The following GALNT9 variants were observed in gnomAD, a reference collection of about 807,000 sequenced individuals.
The protein encoded by GALNT9 is polypeptide N-acetylgalactosaminyltransferase 9, also known as GalNAc transferase 9.
In GALNT9, 47 loss-of-function variants were observed where a neutral mutation model predicts 63.1. That is an observed-to-expected ratio of 0.75 (90% CI 0.59 to 0.95). The LOEUF is 0.95. GALNT9 is among the 40% of genes least tolerant of loss of function. The pLI is 0.00. For synonymous variants in GALNT9, 396 were observed against 365.7 expected, an observed-to-expected ratio of 1.08 and a Z score of -0.94; for missense variants, 829 against 874.8, an observed-to-expected ratio of 0.95 and a Z score of 0.66.
intron 6 of GALNT9, among the ~76,000 whole-genome samples, chr12:132,228,863 G>A (rs1370648348): frequency 6.6e-6 from 1 of 152,134 alleles, no homozygotes; most frequent in Non-Finnish European, 1.5e-5. Context: ...CCTCTAACTG[G>A]CTCTAGGACT....
In GALNT9 at chr12:132,200,903, C is replaced by CA. The variant is rs148636642; in HGVS notation, c.1401+220dup. ...AGGTGCGTGTGTTTATGTGAACCTG[C>CA]ACCTTGTGTGTGCACGTGGATGTGC... On this transcript the variant is annotated intron_variant, in intron 8 of 10. Coordinates refer to ENST00000328957, the MANE Select transcript of GALNT9 (RefSeq NM_001122636.2). 1.1e-3 allele frequency: 597 copies of CA among 560,138 alleles called. 5 individuals carry two copies. Among genetic ancestry groups the CA allele is most frequent in the African/African-American group, 1.0e-2 (527 of 52,762 alleles). 34.7% of individuals were successfully genotyped at this position (560,138 alleles called of 1,614,324 possible).
intron 6 of GALNT9, among the ~76,000 whole-genome samples, chr12:132,219,045 G>A (rs984717986): frequency 3.3e-5 from 5 of 152,042 alleles, no homozygotes; most frequent in Non-Finnish European, 5.9e-5. Context: ...GGGTGCTGCC[G>A]ATGGAGCCGT....
Position 132,268,873 on chromosome 12 carries a change from C to T in GALNT9, c.420-6248G>A, listed in dbSNP as rs912934974. On this transcript the variant is annotated intron_variant, in intron 2 of 10. Transcript: ENST00000328957. ...GAAAGGCTGACGTGCAGCCGACGTA[C>T]AAAAGCGGCGCCGGTGAGGGTCGCG... Among the ~76,000 whole-genome samples the T allele has an allele frequency of 2.6e-5, 4 of 152,340 alleles. No homozygotes were observed. In the East Asian group the frequency reaches 7.7e-4, roughly 30 times the overall value.
At position 132,201,235 on chromosome 12, in the gene GALNT9, C is replaced by T; in HGVS notation, c.1290G>A (p.Val430=). ...MSNPGVDFGD[V]SERLALRQRL... Reference sequence around the variant, plus strand: ...TCTGACGCAGGGCCAGCCTCTCAGACACGTCCCCGAAGTCCACCCCTGGGT... The same window carrying T: ...TCTGACGCAGGGCCAGCCTCTCAGATACGTCCCCGAAGTCCACCCCTGGGT... The change falls in exon 8 of 11, where the codon GTG becomes GTA. Residue 430 remains valine (V), a synonymous_variant. Transcript: ENST00000328957. 23 of 1,613,506 alleles carry T rather than the reference C, an allele frequency of 1.4e-5. No individual in the cohort carries two copies. The highest frequency in any genetic ancestry group is 1.9e-5 in the Non-Finnish European group (23 of 1,179,558).
At chr12:132,280,337 G>C (rs1880286869) in intron 2 of GALNT9, 1 of 152,294 alleles carries the variant, frequency 6.6e-6, no homozygotes, top group Non-Finnish European at 1.5e-5. Flanking sequence ...AAGGTGAGGA[G>C]ATGCCTGAAG....
intron 6 of GALNT9, among the ~76,000 whole-genome samples, chr12:132,210,503 T>C (rs7977750): frequency 0.76 from 115,902 of 152,016 alleles, 44,349 homozygotes; most frequent in African/African-American, 0.79. Flanking sequence ...GAGGACTGAG[T>C]GGGGCCATGA....
At chr12:132,272,078 C>T (rs1273268603) in intron 2 of GALNT9, among the ~76,000 whole-genome samples, 1 of 152,208 alleles carries the variant, frequency 6.6e-6, no homozygotes, top group Admixed American at 6.5e-5. Context: ...TCACGCCCCG[C>T]CCGGCTCCCC....
rs369649977 is a variant in GALNT9 at position 132,201,300 on chromosome 12, C to T, written c.1264-39G>A. 3.4e-6 allele frequency: 5 copies of T among 1,471,524 alleles called. No homozygotes were observed. In the South Asian group the frequency reaches 4.6e-5, roughly 14 times the overall value. The allele number at this position is 1,471,524 out of a possible 1,614,324, so 91.2% of individuals were successfully genotyped here. A position where few individuals can be genotyped will look rare whatever the true frequency, so the allele number is the denominator to read the frequency against. On this transcript the variant is annotated intron_variant, in intron 7 of 10. Coordinates refer to ENST00000328957, the MANE Select transcript of GALNT9 (RefSeq NM_001122636.2). The stretch of plus-strand genomic sequence containing the variant: ...AGTAGGTGAGAGGGTACATGGGTGT[C>T]ACCATGACCTGGGTCTTCCCCATAA...
At chr12:132,204,907 A>C (rs1231892956) in intron 6 of GALNT9, among the ~76,000 whole-genome samples, 1 of 152,054 alleles carries the variant, frequency 6.6e-6, no homozygotes, top group East Asian at 1.9e-4. Flanking sequence ...TGCCAGGCCC[A>C]GGGCGGGCAC....
At chr12:132,198,216 GACAGAC>G (rs1875687182) in intron 9 of GALNT9, among the ~76,000 whole-genome samples, 1 of 152,260 alleles carries the variant, frequency 6.6e-6, no homozygotes, top group African/African-American at 2.4e-5. Context: ...CTTCCGCCTG[GACAGAC>G]GTCATGAATG....
At chr12:132,305,373 ACCC>A (rs2135579265) in intron 1 of GALNT9, among the ~76,000 whole-genome samples, 1 of 48,098 alleles carries the variant, frequency 2.1e-5, no homozygotes, top group Admixed American at 2.1e-4. Flanking sequence ...ACCCGGGCAC[ACCC>A]TCACCCGGGC....
At chr12:132,268,780 G>T (rs1468039360) in intron 2 of GALNT9, among the ~76,000 whole-genome samples, 1 of 152,182 alleles carries the variant, frequency 6.6e-6, no homozygotes, top group African/African-American at 2.4e-5. Flanking sequence ...ACGTGCGCAG[G>T]TGCCCCCCTC....
intron 2 of GALNT9, chr12:132,272,602 T>C (rs553226525): frequency 6.6e-6 from 1 of 152,306 alleles, no homozygotes; most frequent in South Asian, 2.1e-4. Context: ...GCTGTTTAAA[T>C]TGGAAATAAT....
At chr12:132,204,071 C>T (rs547368585) in intron 6 of GALNT9, among the ~76,000 whole-genome samples, 5 of 151,982 alleles carry the variant, frequency 3.3e-5, no homozygotes, top group African/African-American at 7.3e-5. Flanking sequence ...CCCCAGCACC[C>T]GAACACACCA....
intron 1 of GALNT9, among the ~76,000 whole-genome samples, chr12:132,324,868 C>T (rs1868968894): frequency 6.6e-6 from 1 of 152,238 alleles, no homozygotes; most frequent in African/African-American, 2.4e-5. Flanking sequence ...CGAAGGCAGC[C>T]TGGGGAGATA....
chr12:132,240,078 G>A (rs1274495609), intron 6 of GALNT9, among the ~76,000 whole-genome samples: 1 of 152,188 alleles, frequency 6.6e-6, no homozygotes, highest in East Asian at 1.9e-4. Flanking sequence ...TTATAGAACT[G>A]CTCCCCTTGG....
intron 1 of GALNT9, among the ~76,000 whole-genome samples, chr12:132,303,414 C>G (rs61945666): frequency 0.37 from 34,007 of 91,212 alleles, 6,286 homozygotes; most frequent in East Asian, 0.43. Flanking sequence ...CACCCTCACC[C>G]GGGCACAGCC....
At chr12:132,271,174 C>A (rs1454145006) in intron 2 of GALNT9, among the ~76,000 whole-genome samples, 1 of 152,152 alleles carries the variant, frequency 6.6e-6, no homozygotes, top group African/African-American at 2.4e-5. Context: ...GCCACACGTT[C>A]TCAGCAGGGC....
At position 132,196,766 on chromosome 12, in the gene GALNT9, C is replaced by G; in HGVS notation, c.*341G>C. The G allele has an allele frequency of 9.4e-7, 1 of 1,069,142 alleles. No homozygotes were observed. The highest frequency in any genetic ancestry group is 1.1e-6 in the Non-Finnish European group (1 of 882,326). The allele number at this position is 1,069,142 out of a possible 1,614,324, so 66.2% of individuals were successfully genotyped here. A position where few individuals can be genotyped will look rare whatever the true frequency, so the allele number is the denominator to read the frequency against. On this transcript the variant is annotated 3_prime_UTR_variant, in exon 11 of 11. Transcript: ENST00000328957. The stretch of plus-strand genomic sequence containing the variant: ...CCTGGTGCATGGTCCGGGGCTTGGC[C>G]TCCCTATGGGGCGTGGGGGGCTGTG...
Sources: allele counts gnomAD v4.1 joint callset (sites outside exome capture counted in the v4.1 genomes callset), GRCh38; gene constraint gnomAD v4.1.1; transcripts MANE v1.5; gene names NCBI Gene and HGNC (gene_info 2026-07-23, HGNC 2026-07-21).